Variants in BCKDHB observed in about 807,000 individuals in gnomAD.
The protein encoded by BCKDHB is 2-oxoisovalerate dehydrogenase subunit beta, mitochondrial.
BCKDHB carries 41 observed loss-of-function variants against 48.5 expected under a neutral mutation model. The ratio of observed to expected loss-of-function variants is 0.85; its 90% CI spans 0.66 to 1.10. BCKDHB has a LOEUF of 1.10. Ranked by LOEUF, BCKDHB falls within the 50% of genes least tolerant of loss-of-function variation. The pLI, the probability that BCKDHB is intolerant of heterozygous loss-of-function variation, is 0.00. For synonymous variants in BCKDHB, 201 were observed against 174.8 expected (o/e 1.15, Z -1.18); for missense variants, 496 against 494.2 (o/e 1.00, Z -0.03).
chr6:80,108,637 G>A (rs994003683), intron 1 of BCKDHB, among the ~76,000 whole-genome samples: 1 of 151,716 alleles, frequency 6.6e-6, no homozygotes, highest in Non-Finnish European at 1.5e-5. Context: ...GGAGGCAGGC[G>A]GATCACCAGG....
intron 9 of BCKDHB, among the ~76,000 whole-genome samples, chr6:80,290,325 G>T (rs1766847247): frequency 6.6e-6 from 1 of 152,154 alleles, no homozygotes; most frequent in African/African-American, 2.4e-5. Context: ...TCTTCCTCCT[G>T]CAGCCCCTGA....
the BCKDHB span, among the ~76,000 whole-genome samples, chr6:80,393,462 A>C: frequency 6.6e-6 from 1 of 152,162 alleles, no homozygotes; most frequent in Non-Finnish European, 1.5e-5. Context: ...CCCTTTCCAC[A>C]TGTGAGCATA....
intron 8 of BCKDHB, among the ~76,000 whole-genome samples, chr6:80,241,330 A>C (rs979455789): frequency 1.3e-5 from 2 of 152,164 alleles, no homozygotes; most frequent in East Asian, 1.9e-4. Flanking sequence ...GAGAAGAGGC[A>C]CTCTGATTTT....
chr6:80,267,903 G>A (rs576946904), intron 8 of BCKDHB, among the ~76,000 whole-genome samples: 4 of 152,022 alleles, frequency 2.6e-5, no homozygotes, highest in Non-Finnish European at 4.4e-5. Flanking sequence ...TTTTCCACAC[G>A]GGTGATAAAG....
chr6:80,378,286 A>G, the BCKDHB span, among the ~76,000 whole-genome samples: 2 of 152,092 alleles, frequency 1.3e-5, no homozygotes, highest in Non-Finnish European at 2.9e-5. Flanking sequence ...CTTTATGTCC[A>G]TGTGCACTCA....
chr6:80,122,100 T>C (rs532293083), intron 1 of BCKDHB, among the ~76,000 whole-genome samples: 27 of 152,382 alleles, frequency 1.8e-4, no homozygotes, highest in African/African-American at 4.8e-4. Context: ...TCTGCATCTA[T>C]TGAGATAATC....
the BCKDHB span, among the ~76,000 whole-genome samples, chr6:80,440,236 A>AAG: frequency 6.6e-6 from 1 of 152,202 alleles, no homozygotes; most frequent in Non-Finnish European, 1.5e-5. Flanking sequence ...TAAAGAAGGT[A>AAG]GTCTGTGAAA....
intron 6 of BCKDHB, among the ~76,000 whole-genome samples, chr6:80,192,116 C>T (rs891143323): frequency 9.2e-5 from 14 of 151,564 alleles, no homozygotes; most frequent in African/African-American, 2.9e-4. Context: ...AATAAAAACC[C>T]ATATCTAATT....
intron 8 of BCKDHB, among the ~76,000 whole-genome samples, chr6:80,242,491 TA>T (rs1169456794): frequency 1.3e-5 from 2 of 152,134 alleles, no homozygotes; most frequent in Admixed American, 6.5e-5. Context: ...GGAGAGGTGA[TA>T]TTTTTAGTCC....
the BCKDHB span, chr6:80,374,052 T>G: frequency 1.5e-6 from 1 of 672,974 alleles, no homozygotes. Flanking sequence ...CATCAGTTTC[T>G]TCTGGGATAT....
At chr6:80,134,473 G>C (rs568524360) in intron 3 of BCKDHB, among the ~76,000 whole-genome samples, 1 of 152,170 alleles carries the variant, frequency 6.6e-6, no homozygotes, top group East Asian at 1.9e-4. Context: ...CAATATTTGG[G>C]AGTTGACTTT....
chr6:80,441,544 T>G, the BCKDHB span, among the ~76,000 whole-genome samples: 2 of 152,200 alleles, frequency 1.3e-5, no homozygotes, highest in African/African-American at 2.4e-5. Context: ...AGATTTAATT[T>G]TTTAATTAAA....
intron 8 of BCKDHB, among the ~76,000 whole-genome samples, chr6:80,225,630 G>T (rs114948763): frequency 0.03 from 4,546 of 152,172 alleles, 235 homozygotes; most frequent in African/African-American, 0.1. Context: ...TTGTATCTGT[G>T]AAAGATTGCA....
At chr6:80,203,304 C>A (rs1247955380) in intron 8 of BCKDHB, 92 bp downstream of exon 8, 1 of 941,474 alleles carries the variant, frequency 1.1e-6, no homozygotes, top group East Asian at 2.4e-5. Flanking sequence ...AAATTGTGAG[C>A]TATGTGAGCA....
the BCKDHB span, among the ~76,000 whole-genome samples, chr6:80,429,400 T>C: frequency 1.3e-5 from 2 of 152,252 alleles, no homozygotes; most frequent in African/African-American, 4.8e-5. Context: ...TTTTTTCCAA[T>C]TCTGTGAAGA....
chr6:80,128,283 T>G (rs1008082064), intron 2 of BCKDHB, among the ~76,000 whole-genome samples: 8 of 152,214 alleles, frequency 5.3e-5, no homozygotes, highest in African/African-American at 1.9e-4. Context: ...GAAAAACAGG[T>G]TATTTTTTAG....
intron 6 of BCKDHB, among the ~76,000 whole-genome samples, chr6:80,193,894 C>G (rs964244822): frequency 7.2e-5 from 11 of 152,114 alleles, no homozygotes; most frequent in African/African-American, 2.4e-4. Flanking sequence ...ATTCATGTCT[C>G]TCAATATTCA....
intron 8 of BCKDHB, among the ~76,000 whole-genome samples, chr6:80,220,219 G>T (rs1775353353): frequency 7.0e-6 from 1 of 143,804 alleles, no homozygotes; most frequent in African/African-American, 2.5e-5. Flanking sequence ...TTCCTTTATT[G>T]TATCATTTAA....
chr6:80,135,348 A>T (rs1433594524), intron 3 of BCKDHB, among the ~76,000 whole-genome samples: 1 of 152,118 alleles, frequency 6.6e-6, no homozygotes, highest in Non-Finnish European at 1.5e-5. Context: ...GAAATTGAAT[A>T]TGTAGAGGAT....
Sources: allele counts gnomAD v4.1 joint callset (sites outside exome capture counted in the v4.1 genomes callset), GRCh38; gene constraint gnomAD v4.1.1; transcripts MANE v1.5; gene names NCBI Gene and HGNC (gene_info 2026-07-23, HGNC 2026-07-21).